The following HS3ST4 variants were observed in gnomAD, a reference collection of about 807,000 sequenced individuals.
The protein encoded by HS3ST4 is heparan sulfate-glucosamine 3-sulfotransferase 4, also known as heparan sulfate glucosamine 3-O-sulfotransferase 4.
A neutral mutation model predicts 29.2 loss-of-function variants in HS3ST4; 17 were observed. The observed-to-expected ratio is 0.58, with a 90% confidence interval of 0.40 to 0.87. The LOEUF is 0.87. HS3ST4 is among the 40% of genes least tolerant of loss of function. The pLI, the probability that HS3ST4 is intolerant of heterozygous loss-of-function variation, is 0.00. For missense variants in HS3ST4, 627 were observed against 634.5 expected (o/e 0.99, Z 0.13); for synonymous variants, 314 against 285.7 (o/e 1.10, Z -1.00).
chr16:25,861,373 A>G (rs762740589), intron 1 of HS3ST4, among the ~76,000 whole-genome samples: 3 of 152,208 alleles, frequency 2.0e-5, no homozygotes, highest in African/African-American at 4.8e-5. Context: ...GCTGTCTACC[A>G]TGAAAAATTC....
chr16:25,979,866 T>C (rs746940954), intron 1 of HS3ST4, among the ~76,000 whole-genome samples: 1 of 152,188 alleles, frequency 6.6e-6, no homozygotes, highest in Non-Finnish European at 1.5e-5. Flanking sequence ...TCTTCCTCAG[T>C]GAATGGTAAT....
intron 1 of HS3ST4, among the ~76,000 whole-genome samples, chr16:25,784,304 T>A (rs1020292648): frequency 1.3e-5 from 2 of 151,182 alleles, no homozygotes; most frequent in South Asian, 2.1e-4. Flanking sequence ...AGTGTTCAAG[T>A]GAAAGGAAGA....
chr16:25,710,330 A>G (rs536243071), intron 1 of HS3ST4, among the ~76,000 whole-genome samples: 30 of 152,296 alleles, frequency 2.0e-4, no homozygotes, highest in Non-Finnish European at 2.8e-4. Flanking sequence ...AGGATCTTGA[A>G]GGTTCTTCAG....
At chr16:25,940,734 G>A (rs139796862) in intron 1 of HS3ST4, among the ~76,000 whole-genome samples, 1 of 152,304 alleles carries the variant, frequency 6.6e-6, no homozygotes, top group African/African-American at 2.4e-5. Context: ...CATGAAGTAG[G>A]TTGACTGTAT....
At chr16:26,099,435 C>T (rs571117405) in intron 1 of HS3ST4, among the ~76,000 whole-genome samples, 3 of 152,214 alleles carry the variant, frequency 2.0e-5, no homozygotes, top group Admixed American at 1.3e-4. Flanking sequence ...GGTTTACAGG[C>T]GTGAGCCACC....
chr16:26,008,445 C>T (rs1452767207), intron 1 of HS3ST4, among the ~76,000 whole-genome samples: 1 of 152,202 alleles, frequency 6.6e-6, no homozygotes, highest in East Asian at 1.9e-4. Context: ...ATATTTTTGG[C>T]TTGCCATATG....
At chr16:26,024,732 C>A (rs1214481691) in intron 1 of HS3ST4, among the ~76,000 whole-genome samples, 2 of 151,620 alleles carry the variant, frequency 1.3e-5, no homozygotes, top group African/African-American at 2.4e-5. Flanking sequence ...GACTCCATCT[C>A]AAAAAAAAGT....
intron 1 of HS3ST4, among the ~76,000 whole-genome samples, chr16:25,769,898 C>A (rs2141610472): frequency 6.6e-6 from 1 of 152,258 alleles, no homozygotes; most frequent in Non-Finnish European, 1.5e-5. Context: ...AGGAGGAGAA[C>A]CCTCCCTCCT....
chr16:26,003,467 C>T (rs1969230169), intron 1 of HS3ST4, among the ~76,000 whole-genome samples: 2 of 152,164 alleles, frequency 1.3e-5, no homozygotes, highest in African/African-American at 4.8e-5. Flanking sequence ...CTGCCTCTCT[C>T]ATATTTTGGA....
intron 1 of HS3ST4, among the ~76,000 whole-genome samples, chr16:26,114,461 G>T (rs923596711): frequency 6.6e-6 from 1 of 152,208 alleles, no homozygotes; most frequent in African/African-American, 2.4e-5. Context: ...AAGTCATGGG[G>T]TTAATGGGGT....
rs145603487 is a variant in HS3ST4 at position 25,831,822 on chromosome 16, T to G, written c.734+138671T>G. 1.4e-3 allele frequency among the ~76,000 whole-genome samples: 208 copies of G among 152,132 alleles called. 2 individuals carry two copies. The highest frequency in any genetic ancestry group is 4.8e-3 in the African/African-American group (199 of 41,532). On this transcript the variant is annotated intron_variant, in intron 1 of 1. Coordinates refer to ENST00000331351, the MANE Select transcript of HS3ST4 (RefSeq NM_006040.3). ...ATATGAATAAATATTTATAATCACA[T>G]AGGCTGGGCACAGTCACTCACACCT...
intron 1 of HS3ST4, among the ~76,000 whole-genome samples, chr16:25,868,407 A>C (rs372908671): frequency 3.3e-5 from 5 of 152,186 alleles, no homozygotes; most frequent in African/African-American, 1.2e-4. Context: ...TTCCCTCTGT[A>C]GGAGTCCCCG....
intron 1 of HS3ST4, among the ~76,000 whole-genome samples, chr16:26,048,368 C>A (rs1898294380): frequency 6.6e-6 from 1 of 152,214 alleles, no homozygotes; most frequent in Non-Finnish European, 1.5e-5. Context: ...GATTGTCGAC[C>A]ATATAGCACA....
intron 1 of HS3ST4, among the ~76,000 whole-genome samples, chr16:26,081,786 CTTTTTT>C (rs56169806): frequency 4.7e-5 from 4 of 85,002 alleles, no homozygotes; most frequent in African/African-American, 1.4e-4. Flanking sequence ...GGAGTACATT[CTTTTTT>C]TTTTTTTTTT....
intron 1 of HS3ST4, among the ~76,000 whole-genome samples, chr16:25,789,174 G>T (rs753978098): frequency 6.6e-6 from 1 of 152,052 alleles, no homozygotes; most frequent in Non-Finnish European, 1.5e-5. Context: ...GAGCCATAAA[G>T]GATGTTATTT....
At chr16:25,945,521 C>T (rs1249748284) in intron 1 of HS3ST4, among the ~76,000 whole-genome samples, 1 of 152,094 alleles carries the variant, frequency 6.6e-6, no homozygotes, top group Non-Finnish European at 1.5e-5. Flanking sequence ...ATAATAATTG[C>T]TGCATCACAG....
chr16:25,981,502 C>T (rs1969005002), intron 1 of HS3ST4, among the ~76,000 whole-genome samples: 1 of 152,062 alleles, frequency 6.6e-6, no homozygotes, highest in African/African-American at 2.4e-5. Flanking sequence ...CTTAATACAC[C>T]TGCCCTCATT....
Position 25,744,376 on chromosome 16 carries a change from T to G in HS3ST4, c.734+51225T>G, listed in dbSNP as rs377719856. 3.9e-5 allele frequency among the ~76,000 whole-genome samples: 6 copies of G among 152,208 alleles called. No individual in the cohort carries two copies. In the East Asian group the frequency reaches 7.7e-4, roughly 20 times the overall value. Reference sequence around the variant, plus strand: ...AGTACACTGGATAATCAAATCAGCTTCGTGTGAGAAATTCGAAGTTAATAA... The same window carrying G: ...AGTACACTGGATAATCAAATCAGCTGCGTGTGAGAAATTCGAAGTTAATAA... On this transcript the variant is annotated intron_variant, in intron 1 of 1. Transcript: ENST00000331351.
intron 1 of HS3ST4, among the ~76,000 whole-genome samples, chr16:25,919,178 C>T (rs1596614006): frequency 6.6e-6 from 1 of 152,180 alleles, no homozygotes; most frequent in East Asian, 1.9e-4. Flanking sequence ...CAGGTGCATG[C>T]CACCACTCCT....
Sources: allele counts gnomAD v4.1 joint callset (sites outside exome capture counted in the v4.1 genomes callset), GRCh38; gene constraint gnomAD v4.1.1; transcripts MANE v1.5; gene names NCBI Gene and HGNC (gene_info 2026-07-23, HGNC 2026-07-21).